Variants in C3orf20 observed in about 807,000 individuals in gnomAD.
C3orf20 encodes the protein family with sequence similarity 149 member C.
C3orf20 carries 76 observed loss-of-function variants against 88.3 expected under a neutral mutation model. That is an observed-to-expected ratio of 0.86 (90% confidence interval 0.72 to 1.04). The LOEUF (loss-of-function observed/expected upper bound fraction) is 1.04. Ranked by LOEUF, C3orf20 falls within the 50% of genes least tolerant of loss-of-function variation. The pLI is 0.00. For synonymous variants in C3orf20, 436 were observed against 437.4 expected, an observed-to-expected ratio of 1.00 and a Z score of 0.04; for missense variants, 1,056 against 1,123.3, an observed-to-expected ratio of 0.94 and a Z score of 0.86.
At chr3:14,764,682 T>C (rs1036380646) in intron 15 of C3orf20, among the ~76,000 whole-genome samples, 2 of 152,250 alleles carry the variant, frequency 1.3e-5, no homozygotes, top group Admixed American at 1.3e-4. Context: ...TACCTGGTGG[T>C]CAGTGTGGAC....
At chr3:14,736,329 TG>T (rs1483062351) in intron 12 of C3orf20, among the ~76,000 whole-genome samples, 1 of 151,544 alleles carries the variant, frequency 6.6e-6, no homozygotes, top group Non-Finnish European at 1.5e-5. Flanking sequence ...CTTGCTCTGT[TG>T]CCCAGGCTAG....
intron 5 of C3orf20, 36 bp downstream of exon 5, chr3:14,690,152 T>C: frequency 6.2e-7 from 1 of 1,613,014 alleles, no homozygotes; most frequent in Non-Finnish European, 8.5e-7. Context: ...CATTCATTGG[T>C]GGTGGCGGTG....
chr3:14,703,275 G>T lies in C3orf20; in HGVS notation c.878+13G>T, dbSNP rs1241257330. The T allele has an allele frequency of 7.4e-6, 12 of 1,613,958 alleles. No individual in the cohort carries two copies. The highest frequency in any genetic ancestry group is 9.3e-6 in the Non-Finnish European group (11 of 1,180,016). ...TGTGTCGCCACATGTGAGCACCTCA[G>T]TGCTTGGGTCGGGGGAGTCAAGGGT... is the stretch of plus-strand genomic sequence containing the variant. On this transcript the variant is annotated intron_variant, in intron 6 of 16. Coordinates refer to ENST00000253697, the MANE Select transcript of C3orf20 (RefSeq NM_032137.5).
chr3:14,736,120 G>A (rs1418522629), intron 12 of C3orf20, among the ~76,000 whole-genome samples: 2 of 152,114 alleles, frequency 1.3e-5, no homozygotes, highest in Non-Finnish European at 2.9e-5. Context: ...ATGACTGTAA[G>A]ATCTGTGATG....
intron 1 of C3orf20, among the ~76,000 whole-genome samples, chr3:14,676,909 C>A (rs753909755): frequency 1.3e-4 from 20 of 152,190 alleles, no homozygotes; most frequent in Non-Finnish European, 2.2e-4. Flanking sequence ...CTAGCAGAGC[C>A]CTTCTTTCCT....
chr3:14,677,887 A>T (rs1045259287), intron 1 of C3orf20, among the ~76,000 whole-genome samples: 1 of 152,028 alleles, frequency 6.6e-6, no homozygotes. Flanking sequence ...GCAGCTATCC[A>T]TATCCACTCA....
chr3:14,764,156 T>C (rs2035636210), intron 15 of C3orf20, among the ~76,000 whole-genome samples: 1 of 149,666 alleles, frequency 6.7e-6, no homozygotes, highest in Non-Finnish European at 1.5e-5. Context: ...TAGACACACA[T>C]ACACATGCAT....
In C3orf20 at chr3:14,772,047, C is replaced by T. The variant is rs749004268; in HGVS notation, c.2496-20C>T. On this transcript the variant is annotated intron_variant, in intron 15 of 16. Transcript: ENST00000253697. This position sits in a 1 kb window ranked among gnomAD's most constrained non-coding sequence, Gnocchi z 4.2. ...CACCCTGGGCCCTGAGCACTGCCCC[C>T]GACCCTGCCTCCCCTGCAGTGTTCC... is the stretch of plus-strand genomic sequence containing the variant. 1.5e-5 allele frequency: 25 copies of T among 1,613,942 alleles called. No homozygotes were observed. The highest frequency in any genetic ancestry group is 5.0e-5 in the Admixed American group (3 of 60,006).
chr3:14,717,198 TC>T (rs1668218064), intron 9 of C3orf20, among the ~76,000 whole-genome samples: 1 of 152,200 alleles, frequency 6.6e-6, no homozygotes, highest in South Asian at 2.1e-4. Context: ...AGAACTGCCC[TC>T]CGGCCTCATG....
chr3:14,725,043 CAA>C (rs1412829817), intron 10 of C3orf20, among the ~76,000 whole-genome samples: 1 of 152,044 alleles, frequency 6.6e-6, no homozygotes, highest in Non-Finnish European at 1.5e-5. Flanking sequence ...ATTGACTTGC[CAA>C]AAAAGTGTTC....
At chr3:14,685,583 G>A (rs1227130033) in intron 4 of C3orf20, among the ~76,000 whole-genome samples, 1 of 151,472 alleles carries the variant, frequency 6.6e-6, no homozygotes, top group Non-Finnish European at 1.5e-5. Context: ...ATTAACTATA[G>A]TAACCATGCT....
At chr3:14,744,617 A>G (rs1184831700) in intron 12 of C3orf20, among the ~76,000 whole-genome samples, 1 of 151,962 alleles carries the variant, frequency 6.6e-6, no homozygotes, top group Non-Finnish European at 1.5e-5. Flanking sequence ...CGAAACTGGG[A>G]ATGAAAAAAG....
intron 5 of C3orf20, among the ~76,000 whole-genome samples, chr3:14,691,051 C>G (rs2032704918): frequency 6.6e-6 from 1 of 152,226 alleles, no homozygotes; most frequent in African/African-American, 2.4e-5. Context: ...CGAGCTGATC[C>G]TATACTCTTT....
chr3:14,687,610 C>A (rs1158912913), intron 4 of C3orf20, among the ~76,000 whole-genome samples: 1 of 152,170 alleles, frequency 6.6e-6, no homozygotes, highest in African/African-American at 2.4e-5. Context: ...GCATGAGAGT[C>A]CCATGGCAGA....
intron 12 of C3orf20, among the ~76,000 whole-genome samples, chr3:14,738,620 CAT>C (rs2034799485): frequency 1.4e-5 from 2 of 140,656 alleles, no homozygotes; most frequent in South Asian, 4.6e-4. Flanking sequence ...CATGAGCCAC[CAT>C]GCCCGGCCTT....
chr3:14,687,047 G>C (rs1027165004), intron 4 of C3orf20, among the ~76,000 whole-genome samples: 1 of 152,196 alleles, frequency 6.6e-6, no homozygotes, highest in African/African-American at 2.4e-5. Flanking sequence ...TGCCTGATGC[G>C]GGGGAGCAGC....
rs149516015 is a variant in C3orf20 at position 14,726,928 on chromosome 3, G to C, written c.1594G>C (p.Asp532His). Residue 532 changes from aspartate (D) to histidine (H), a missense_variant, in exon 11 of 17, where the codon GAC becomes CAC. Coordinates refer to ENST00000253697, the MANE Select transcript of C3orf20 (RefSeq NM_032137.5). ...GAACCGCAGAATCAGCAACATGGACGACAAGGTGTATAAGATGAGCCGAGC... is the reference window on the plus strand; with the variant it reads ...GAACCGCAGAATCAGCAACATGGACCACAAGGTGTATAAGATGAGCCGAGC... ...RLNRRISNMDDKVYKMSRALA... is the reference protein window; with the variant it reads ...RLNRRISNMDHKVYKMSRALA... 64 of 1,614,018 alleles carry C rather than the reference G, an allele frequency of 4.0e-5. No homozygotes were observed. The highest frequency in any genetic ancestry group is 5.2e-5 in the Non-Finnish European group (61 of 1,180,034).
At chr3:14,692,603 CAG>C (rs1366038852) in intron 5 of C3orf20, among the ~76,000 whole-genome samples, 68 of 152,024 alleles carry the variant, frequency 4.5e-4, no homozygotes, top group Non-Finnish European at 7.4e-5. Flanking sequence ...TTTTTTCCTG[CAG>C]AGTTGTTTGA....
intron 5 of C3orf20, among the ~76,000 whole-genome samples, chr3:14,700,839 G>A (rs1486789864): frequency 1.3e-5 from 2 of 152,178 alleles, no homozygotes; most frequent in Non-Finnish European, 2.9e-5. Context: ...AAGTCACTTT[G>A]GGTGTCGGGG....
Sources: gnomAD v4.1 joint callset for allele counts (sites outside exome capture counted in the v4.1 genomes callset) on GRCh38, gnomAD v4.1.1 for gene constraint, Gnocchi (gnomAD v3.1) non-coding constraint, MANE v1.5 for transcripts, NCBI Gene and HGNC (gene_info 2026-07-23, HGNC 2026-07-21) for gene names.